Variants in SETBP1 observed in about 807,000 individuals in gnomAD.
SETBP1 encodes the protein SET binding protein 1, also known as SET-binding protein.
In SETBP1, 9 loss-of-function variants were observed where a neutral mutation model predicts 101.0. The observed-to-expected ratio is 0.09, with a 90% CI of 0.05 to 0.16. The LOEUF is 0.16. Ranked by LOEUF, SETBP1 falls within the 10% of genes least tolerant of loss-of-function variation. The probability of loss-of-function intolerance (pLI) is 1.00; values close to 1 mark genes in which losing one functional copy is unlikely to be tolerated. For synonymous variants in SETBP1, 818 were observed against 788.5 expected, an observed-to-expected ratio of 1.04 and a Z score of -0.63; for missense variants, 1,858 against 2,033.8, an observed-to-expected ratio of 0.91 and a Z score of 1.66.
intron 1 of SETBP1, among the ~76,000 whole-genome samples, chr18:44,698,907 C>G (rs775198275): frequency 1.5e-4 from 22 of 151,720 alleles, no homozygotes; most frequent in Non-Finnish European, 2.5e-4. Context: ...AGAACTTTGT[C>G]TTGTACACGT....
rs2072916342 is a variant in SETBP1 at position 44,853,688 on chromosome 18, T to C, written c.487-15542T>C. Among the ~76,000 whole-genome samples, 2 of 152,232 alleles carry C rather than the reference T, an allele frequency of 1.3e-5. 1 individual carries two copies. The highest frequency in any genetic ancestry group is 2.9e-5 in the Non-Finnish European group (2 of 68,038). On this transcript the variant is annotated intron_variant, in intron 2 of 5. Coordinates refer to ENST00000649279, the MANE Select transcript of SETBP1 (RefSeq NM_015559.3). The stretch of plus-strand genomic sequence containing the variant: ...AAATTGAGCTGAATATGTGAAATGA[T>C]AAGTAACTGGAATAAGGTCACAGTG...
chr18:44,928,704 G>T (rs1349971443), intron 3 of SETBP1, among the ~76,000 whole-genome samples: 1 of 152,200 alleles, frequency 6.6e-6, no homozygotes, highest in Non-Finnish European at 1.5e-5. Flanking sequence ...GTTTTCATGT[G>T]TCTGCTGGCT....
At chr18:44,889,332 A>G (rs2069716626) in intron 3 of SETBP1, among the ~76,000 whole-genome samples, 1 of 152,162 alleles carries the variant, frequency 6.6e-6, no homozygotes, top group African/African-American at 2.4e-5. Context: ...TAAAAGTTTG[A>G]GAGCTACCAT....
chr18:44,682,108 C>T (rs1004955059), intron 1 of SETBP1, among the ~76,000 whole-genome samples: 1 of 152,034 alleles, frequency 6.6e-6, no homozygotes, highest in Admixed American at 6.5e-5. Context: ...TAGATTTATA[C>T]TAAAAACTAA....
chr18:44,944,750 G>A (rs538754494), intron 3 of SETBP1, among the ~76,000 whole-genome samples: 97 of 152,132 alleles, frequency 6.4e-4, no homozygotes, highest in Non-Finnish European at 7.5e-4. Context: ...CAAAAGAGTA[G>A]TTTATCTTCC....
At chr18:44,760,080 T>G (rs960184249) in intron 2 of SETBP1, among the ~76,000 whole-genome samples, 3 of 152,224 alleles carry the variant, frequency 2.0e-5, no homozygotes, top group Admixed American at 6.5e-5. Flanking sequence ...ACAATAGCTG[T>G]AACAGTACTA....
intron 2 of SETBP1, among the ~76,000 whole-genome samples, chr18:44,741,800 C>A (rs1244753099): frequency 6.6e-6 from 1 of 152,158 alleles, no homozygotes; most frequent in African/African-American, 2.4e-5. Context: ...AACTCCTCAC[C>A]CACCCCTGAC....
rs554482102 is a variant in SETBP1 at position 44,715,604 on chromosome 18, T to G, written c.486+13772T>G. Among the ~76,000 whole-genome samples the G allele has an allele frequency of 5.9e-5, 9 of 152,362 alleles. 1 individual carries two copies. In the South Asian group the frequency reaches 1.9e-3, roughly 32 times the overall value. ...CATATTTAATAAGGGAGTCATAATG[T>G]CACTCTTCTTTTCACATTATTCTGA... is the stretch of plus-strand genomic sequence containing the variant. On this transcript the variant is annotated intron_variant, in intron 2 of 5. Transcript: ENST00000649279.
chr18:45,003,288 A>C (rs1212074589), intron 4 of SETBP1, among the ~76,000 whole-genome samples: 1 of 152,184 alleles, frequency 6.6e-6, no homozygotes, highest in Non-Finnish European at 1.5e-5. Context: ...CCTGGGCTTT[A>C]TTGATTGGCT....
intron 1 of SETBP1, among the ~76,000 whole-genome samples, chr18:44,698,523 C>T (rs781051600): frequency 1.6e-4 from 24 of 152,176 alleles, no homozygotes; most frequent in Admixed American, 8.5e-4. Flanking sequence ...ATCCTGCACA[C>T]GCCTGCCCAG....
intron 2 of SETBP1, among the ~76,000 whole-genome samples, chr18:44,790,889 C>G (rs183809795): frequency 6.6e-6 from 1 of 152,208 alleles, no homozygotes; most frequent in African/African-American, 2.4e-5. Context: ...CCACCCTGAA[C>G]GAACACAAAA....
intron 2 of SETBP1, among the ~76,000 whole-genome samples, chr18:44,767,432 GA>G (rs1294668798): frequency 1.1e-4 from 17 of 152,216 alleles, no homozygotes; most frequent in African/African-American, 3.9e-4. Context: ...ATTCTCAGAG[GA>G]GTCACCACCT....
chr18:44,950,759 T>C lies in SETBP1; in HGVS notation c.1419T>C (p.Asn473=), dbSNP rs989457814. The C allele has an allele frequency of 6.2e-7, 1 of 1,614,082 alleles. No individual in the cohort carries two copies. The highest frequency in any genetic ancestry group is 1.1e-5 in the South Asian group (1 of 91,068). The change falls in exon 4 of 6, where the codon AAT becomes AAC. Residue 473 remains asparagine (N), a synonymous_variant. Transcript: ENST00000649279. ...CTAAGTTGAGTAAAATGATAGAGAA[T>C]GAGTCCCCCTCAGTTGGCCTTGAAA... ...RVPKLSKMIE[N]ESPSVGLETG...
intron 4 of SETBP1, among the ~76,000 whole-genome samples, chr18:44,971,249 C>T (rs1244607570): frequency 2.0e-5 from 3 of 152,168 alleles, no homozygotes; most frequent in Non-Finnish European, 4.4e-5. Context: ...TGTATATGTG[C>T]CACATTTTCT....
intron 4 of SETBP1, chr18:44,988,001 T>G (rs892905873): frequency 1.3e-5 from 2 of 152,216 alleles, no homozygotes; most frequent in Non-Finnish European, 2.9e-5. Flanking sequence ...ATTGTTGATA[T>G]TCTCCTAAGA....
intron 4 of SETBP1, among the ~76,000 whole-genome samples, chr18:45,007,732 G>C (rs968589801): frequency 6.6e-6 from 1 of 152,152 alleles, no homozygotes; most frequent in Non-Finnish European, 1.5e-5. Context: ...CTTCAGAATT[G>C]AGTCAGCTGG....
intron 2 of SETBP1, among the ~76,000 whole-genome samples, chr18:44,777,813 G>T (rs2071036004): frequency 6.6e-6 from 1 of 152,338 alleles, no homozygotes; most frequent in African/African-American, 2.4e-5. Context: ...GCTGAAATAG[G>T]CCCATTTTGG....
intron 2 of SETBP1, among the ~76,000 whole-genome samples, chr18:44,797,896 C>A (rs78151134): frequency 0.014 from 2,128 of 152,266 alleles, 41 homozygotes; most frequent in African/African-American, 0.048. Flanking sequence ...AAATCCAGAG[C>A]CATCCTGTTC....
rs553884568 is a variant in SETBP1 at position 45,041,976 on chromosome 18, T to TA, written c.4171+3329dup. On this transcript the variant is annotated intron_variant, in intron 5 of 5. Coordinates refer to ENST00000649279, the MANE Select transcript of SETBP1 (RefSeq NM_015559.3). ...TATCTCAAAAAAAAATAAAAAATTTTAAAAAAAAGAGTGGATGCAAAAATA... is the reference window on the plus strand; with the variant it reads ...TATCTCAAAAAAAAATAAAAAATTTTAAAAAAAAAGAGTGGATGCAAAAATA... 5.3e-5 allele frequency among the ~76,000 whole-genome samples: 8 copies of TA among 151,496 alleles called. No individual in the cohort carries two copies. In the East Asian group the frequency reaches 1.2e-3, roughly 22 times the overall value.
Sources: allele counts gnomAD v4.1 joint callset (sites outside exome capture counted in the v4.1 genomes callset), GRCh38; gene constraint gnomAD v4.1.1; transcripts MANE v1.5; gene names NCBI Gene and HGNC (gene_info 2026-07-23, HGNC 2026-07-21).